BRWD1: variants seen among roughly 807,000 people sequenced by gnomAD.
The protein encoded by BRWD1 is bromodomain and WD repeat domain containing 1, also known as bromodomain and WD repeat-containing protein 1.
A neutral mutation model predicts 251.2 loss-of-function variants in BRWD1; 82 were observed. The ratio of observed to expected loss-of-function variants is 0.33; its 90% confidence interval spans 0.27 to 0.39. The LOEUF is 0.39. Ranked by LOEUF, BRWD1 falls within the 10% of genes least tolerant of loss-of-function variation. BRWD1 has a pLI of 1.00. For missense variants in BRWD1, 2,233 were observed against 2,711.6 expected, an observed-to-expected ratio of 0.82 and a Z score of 3.92; for synonymous variants, 918 against 902.8, an observed-to-expected ratio of 1.02 and a Z score of -0.30.
Position 39,195,828 on chromosome 21 carries a change from A to C in BRWD1, c.*431T>G. 1.0e-6 allele frequency: 1 copy of C among 987,858 alleles called. No individual in the cohort carries two copies. Among genetic ancestry groups the C allele is most frequent in the Non-Finnish European group, 1.2e-6 (1 of 831,584 alleles). 61.2% of individuals were successfully genotyped at this position (987,858 alleles called of 1,614,324 possible). On this transcript the variant is annotated 3_prime_UTR_variant, in exon 41 of 41. Coordinates refer to ENST00000342449, the MANE Select transcript of BRWD1 (RefSeq NM_033656.4). ...AGTGTCAGTATGCATGTATTTATGA[A>C]GAATCTGTAAACATAGGTTGTGAAA...
At chr21:39,285,661 A>G (rs1181888147) in intron 8 of BRWD1, among the ~76,000 whole-genome samples, 3 of 152,200 alleles carry the variant, frequency 2.0e-5, no homozygotes, top group South Asian at 2.1e-4. Flanking sequence ...GGTGGCTCAC[A>G]CACATAATCC....
intron 21 of BRWD1, among the ~76,000 whole-genome samples, chr21:39,242,593 A>T (rs183086743): frequency 6.6e-5 from 10 of 152,362 alleles, no homozygotes; most frequent in African/African-American, 2.4e-4. Context: ...CAGATGAAAT[A>T]AATAGCCTTC....
rs2031715778 is a variant in BRWD1, at chr21:39,194,598, G to C, written c.*1661C>G. 1.3e-6 allele frequency: 2 copies of C among 1,491,346 alleles called. No individual in the cohort carries two copies. Among genetic ancestry groups the C allele is most frequent in the African/African-American group, 1.4e-5 (1 of 71,372 alleles). The allele number at this position is 1,491,346 out of a possible 1,614,324, so 92.4% of individuals were successfully genotyped here. A position where few individuals can be genotyped will look rare whatever the true frequency, so the allele number is the denominator to read the frequency against. ...AATGTCCAAAAACATCCTTCCCCAT[G>C]CATCAGAGTAGAAAGAAAATGTACC... is the stretch of plus-strand genomic sequence containing the variant. On this transcript the variant is annotated 3_prime_UTR_variant, in exon 41 of 41. Coordinates refer to ENST00000342449, the MANE Select transcript of BRWD1 (RefSeq NM_033656.4).
At chr21:39,274,593 G>C (rs1390369020) in intron 12 of BRWD1, 121 bp from the exon 13 acceptor site, 1 of 798,582 alleles carries the variant, frequency 1.3e-6, no homozygotes, top group Non-Finnish European at 2.0e-6. Context: ...CAATCCACAG[G>C]TGTTAATTCA....
Position 39,294,000 on chromosome 21 carries a change from T to G in BRWD1, c.642A>C (p.Ser214=). ...GSDDCLVKIW[S]THNGRLLSTL... ...TAGATAACAAGCGGCCATTATGTGT[T>G]GACCAAATCTTTACCAAACAGTCAT... The change falls in exon 8 of 41, where the codon TCA becomes TCC. Residue 214 remains serine, a synonymous_variant. Coordinates refer to ENST00000342449, the MANE Select transcript of BRWD1 (RefSeq NM_033656.4). 5 of 1,614,194 alleles carry G rather than the reference T, an allele frequency of 3.1e-6. No individual in the cohort carries two copies. Among genetic ancestry groups the G allele is most frequent in the Non-Finnish European group, 4.2e-6 (5 of 1,180,034 alleles).
rs1307076568 is a variant in BRWD1, at chr21:39,210,815, T to G, written c.4015A>C (p.Arg1339=). The change falls in exon 35 of 41, where the codon AGA becomes CGA. Residue 1339 remains arginine, a synonymous_variant. Transcript: ENST00000342449. ...IFQCEDSEPF[R]QPVDLVEYPD... is the part of the protein sequence containing the mutation. ...TATTCAACCAAATCAACAGGTTGTCTAAATGGTTCAGAATCTTCACACTGA... is the reference window on the plus strand; with the variant it reads ...TATTCAACCAAATCAACAGGTTGTCGAAATGGTTCAGAATCTTCACACTGA... The G allele has an allele frequency of 6.2e-7, 1 of 1,610,064 alleles. No homozygotes were observed. Among genetic ancestry groups the G allele is most frequent in the African/African-American group, 1.3e-5 (1 of 74,654 alleles).
Position 39,280,226 on chromosome 21 carries a change from G to A in BRWD1, c.854C>T (p.Ser285Phe), listed in dbSNP as rs755910980. The change falls in exon 9 of 41, where the codon TCT (serine) becomes TTT (phenylalanine). Residue 285 changes from serine (S) to phenylalanine (F), a missense_variant. This residue lies in a region of BRWD1 where 185 missense variants were observed against 260.6 expected (regional missense o/e 0.71). Coordinates refer to ENST00000342449, the MANE Select transcript of BRWD1 (RefSeq NM_033656.4). ...ACCAGTGGAAACCATGTATCTTTGA[G>A]AGCCTTTGGCCATCGGGCTAAACTA... ...SLQFSPMAKGSQRYMVSTGAD... is the reference protein window; with the variant it reads ...SLQFSPMAKGFQRYMVSTGAD... 3.3e-5 allele frequency: 53 copies of A among 1,607,788 alleles called. No homozygotes were observed. The highest frequency in any genetic ancestry group is 6.8e-5 in the Admixed American group (4 of 58,410).
At chr21:39,287,770 TTTC>T (rs1391890545) in intron 8 of BRWD1, among the ~76,000 whole-genome samples, 2 of 152,040 alleles carry the variant, frequency 1.3e-5, no homozygotes, top group African/African-American at 4.8e-5. Context: ...TCATAATTTC[TTTC>T]TTCTTGTTTG....
In BRWD1 at chr21:39,193,474, A is replaced by G; in HGVS notation, c.*2785T>C. The G allele has an allele frequency of 3.0e-6, 3 of 985,206 alleles. No homozygotes were observed. The highest frequency in any genetic ancestry group is 3.6e-6 in the Non-Finnish European group (3 of 829,682). The allele number at this position is 985,206 out of a possible 1,614,324, so 61.0% of individuals were successfully genotyped here. A position where few individuals can be genotyped will look rare whatever the true frequency, so the allele number is the denominator to read the frequency against. On this transcript the variant is annotated 3_prime_UTR_variant, in exon 41 of 41. Transcript: ENST00000342449. ...CTCATCTATCTTGTCAATGTTTGAAATCATTTTTCCTTTATATGCTTGGTA... is the reference window on the plus strand; with the variant it reads ...CTCATCTATCTTGTCAATGTTTGAAGTCATTTTTCCTTTATATGCTTGGTA...
chr21:39,242,239 C>A (rs1364864816), intron 21 of BRWD1, among the ~76,000 whole-genome samples: 1 of 152,184 alleles, frequency 6.6e-6, no homozygotes, highest in Non-Finnish European at 1.5e-5. Flanking sequence ...AGTGAACACA[C>A]AAATGGTAAG....
intron 15 of BRWD1, among the ~76,000 whole-genome samples, chr21:39,268,913 G>A (rs993634547): frequency 3.3e-5 from 5 of 152,024 alleles, no homozygotes; most frequent in African/African-American, 4.8e-5. Context: ...GCGTGAACCC[G>A]GGAGGCGGAG....
rs1212866494 is a variant in BRWD1 at position 39,207,481 on chromosome 21, CACAA to C, written c.4198-1211_4198-1208del. ...ACACACACACACACACACACACACA[CACAA>C]ACAAAACTCCAAAAACAACAAGTGT... On this transcript the variant is annotated intron_variant, in intron 36 of 40. Transcript: ENST00000342449. 1.6e-3 allele frequency among the ~76,000 whole-genome samples: 243 copies of C among 147,960 alleles called. 3 individuals are homozygous for C. The highest frequency in any genetic ancestry group is 3.8e-3 in the African/African-American group (152 of 40,386).
chr21:39,227,913 A>G (rs2033446887), intron 27 of BRWD1, among the ~76,000 whole-genome samples: 3 of 152,208 alleles, frequency 2.0e-5, no homozygotes, highest in African/African-American at 7.2e-5. Context: ...AGTCTACCCT[A>G]GCCTATAGTC....
intron 8 of BRWD1, among the ~76,000 whole-genome samples, chr21:39,282,576 A>G (rs947413303): frequency 6.6e-5 from 10 of 152,172 alleles, no homozygotes; most frequent in African/African-American, 2.4e-4. Flanking sequence ...AAATTTAAAC[A>G]CCTTCCACAC....
In BRWD1 at chr21:39,191,447, A is replaced by T; in HGVS notation, c.*4812T>A. 1.0e-6 allele frequency: 1 copy of T among 983,546 alleles called. No homozygotes were observed. The highest frequency in any genetic ancestry group is 1.2e-6 in the Non-Finnish European group (1 of 828,298). The allele number at this position is 983,546 out of a possible 1,614,324, so 60.9% of individuals were successfully genotyped here. A position where few individuals can be genotyped will look rare whatever the true frequency, so the allele number is the denominator to read the frequency against. On this transcript the variant is annotated 3_prime_UTR_variant, in exon 41 of 41. Transcript: ENST00000342449. ...TTGCTTGTTAAGATGAAAATGCTAA[A>T]TTTATTATATCCCATTTAAGAACTG... is the stretch of plus-strand genomic sequence containing the variant.
At chr21:39,309,878 G>T (rs1012693306) in intron 4 of BRWD1, among the ~76,000 whole-genome samples, 2 of 151,222 alleles carry the variant, frequency 1.3e-5, no homozygotes, top group Non-Finnish European at 2.9e-5. Flanking sequence ...ATCTGGATAT[G>T]GACTCTGTGA....
chr21:39,288,880 AC>A (rs2035723605), intron 8 of BRWD1, among the ~76,000 whole-genome samples: 1 of 152,180 alleles, frequency 6.6e-6, no homozygotes, highest in Non-Finnish European at 1.5e-5. Context: ...CTCAGGGGTG[AC>A]AGAGGTGGAA....
At chr21:39,266,433 T>C (rs1429402292) in intron 15 of BRWD1, among the ~76,000 whole-genome samples, 2 of 152,228 alleles carry the variant, frequency 1.3e-5, no homozygotes. Context: ...TTTGCATCCC[T>C]GGCCTGGGAC....
At chr21:39,229,133 C>T (rs1439101843) in intron 26 of BRWD1, among the ~76,000 whole-genome samples, 179 bp downstream of exon 26, 10 of 152,178 alleles carry the variant, frequency 6.6e-5, no homozygotes, top group African/African-American at 2.2e-4. Flanking sequence ...GACATGCCTA[C>T]TATGACTTCA....
Sources: allele counts gnomAD v4.1 joint callset (sites outside exome capture counted in the v4.1 genomes callset), GRCh38; gene constraint gnomAD v4.1.1; regional missense constraint gnomAD v4.1.1; transcripts MANE v1.5; gene names NCBI Gene and HGNC (gene_info 2026-07-23, HGNC 2026-07-21).